The following FOXP2 variants were observed in gnomAD, a reference collection of about 807,000 sequenced individuals.
FOXP2 encodes the protein forkhead box P2.
FOXP2 carries 12 observed loss-of-function variants against 115.8 expected under a neutral mutation model. The ratio of observed to expected loss-of-function variants is 0.10; its 90% confidence interval spans 0.07 to 0.17. The LOEUF is 0.17. Ranked by LOEUF, FOXP2 falls within the 10% of genes least tolerant of loss-of-function variation. The pLI is 1.00. For synonymous variants in FOXP2, 328 were observed against 297.7 expected (o/e 1.10, Z -1.05); for missense variants, 629 against 843.5 (o/e 0.75, Z 3.15).
intron 2 of FOXP2, among the ~76,000 whole-genome samples, chr7:114,516,934 T>G (rs752679688): frequency 6.6e-6 from 1 of 152,110 alleles, no homozygotes; most frequent in Non-Finnish European, 1.5e-5. Flanking sequence ...GACCTCATGA[T>G]CCACCTGCCT....
At chr7:114,193,681 G>A (rs530821711) in intron 1 of FOXP2, among the ~76,000 whole-genome samples, 2 of 151,946 alleles carry the variant, frequency 1.3e-5, no homozygotes, top group African/African-American at 2.4e-5. Context: ...AACTATAAAT[G>A]TCCCATCAAA....
At chr7:114,448,665 G>T (rs566164939) in intron 2 of FOXP2, among the ~76,000 whole-genome samples, 11 of 152,004 alleles carry the variant, frequency 7.2e-5, no homozygotes, top group African/African-American at 2.4e-4. Flanking sequence ...TTCTAGATAA[G>T]AAATGGCCAT....
At chr7:114,252,708 G>A (rs977296493) in intron 1 of FOXP2, among the ~76,000 whole-genome samples, 40 of 152,032 alleles carry the variant, frequency 2.6e-4, no homozygotes, top group East Asian at 1.7e-3. Context: ...TCTCGCTAGC[G>A]TTCTATCAAT....
At chr7:114,319,033 A>G (rs1415300184) in intron 2 of FOXP2, among the ~76,000 whole-genome samples, 1 of 152,088 alleles carries the variant, frequency 6.6e-6, no homozygotes, top group Non-Finnish European at 1.5e-5. Context: ...CCAATACCAG[A>G]TTAGCTAGCA....
chr7:114,552,642 G>GA (rs1290830571), intron 3 of FOXP2, among the ~76,000 whole-genome samples: 2 of 152,062 alleles, frequency 1.3e-5, no homozygotes, highest in Non-Finnish European at 2.9e-5. Context: ...GATACTCGAA[G>GA]AAAAAGTGAA....
intron 3 of FOXP2, among the ~76,000 whole-genome samples, chr7:114,544,212 C>T (rs558612157): frequency 6.6e-6 from 1 of 152,164 alleles, no homozygotes; most frequent in Admixed American, 6.6e-5. Context: ...GAAGAGACCT[C>T]TCACAAATAT....
At chr7:114,351,191 C>A (rs1791480819) in intron 2 of FOXP2, among the ~76,000 whole-genome samples, 1 of 152,062 alleles carries the variant, frequency 6.6e-6, no homozygotes, top group Admixed American at 6.6e-5. Flanking sequence ...ATGTCTGTTG[C>A]AATGGGATTT....
At chr7:114,486,083 A>G (rs1001790833) in intron 2 of FOXP2, among the ~76,000 whole-genome samples, 2 of 152,308 alleles carry the variant, frequency 1.3e-5, no homozygotes, top group African/African-American at 4.8e-5. Flanking sequence ...ATACAAATGT[A>G]AACGGACCCT....
intron 5 of FOXP2, chr7:114,630,698 G>T (rs1437522833): frequency 6.5e-6 from 1 of 153,296 alleles, no homozygotes; most frequent in African/African-American, 2.4e-5. Context: ...TTTCTGTTTG[G>T]ATTTGTGAAT....
chr7:114,668,679 G>T (rs1429775395), intron 16 of FOXP2: 1 of 152,150 alleles, frequency 6.6e-6, no homozygotes, highest in Non-Finnish European at 1.5e-5. Flanking sequence ...ATGCACGTGT[G>T]TTTATGCATA....
intron 3 of FOXP2, among the ~76,000 whole-genome samples, chr7:114,576,877 A>G (rs1216770455): frequency 6.6e-6 from 1 of 151,956 alleles, no homozygotes; most frequent in Non-Finnish European, 1.5e-5. Context: ...CTTATTTAGC[A>G]TAATTGAAAG....
At chr7:114,474,195 C>T (rs959514275) in intron 2 of FOXP2, among the ~76,000 whole-genome samples, 1 of 152,070 alleles carries the variant, frequency 6.6e-6, no homozygotes, top group African/African-American at 2.4e-5. Flanking sequence ...GATATCAGAA[C>T]AACAGAATAG....
chr7:114,578,784 T>C (rs1801698729), intron 3 of FOXP2, among the ~76,000 whole-genome samples: 1 of 152,146 alleles, frequency 6.6e-6, no homozygotes, highest in African/African-American at 2.4e-5. Context: ...GACATTGTTT[T>C]ATTTATAGGT....
At chr7:114,114,255 A>G (rs1791346379) in intron 1 of FOXP2, among the ~76,000 whole-genome samples, 1 of 150,852 alleles carries the variant, frequency 6.6e-6, no homozygotes, top group African/African-American at 2.4e-5. Flanking sequence ...ATATATACAT[A>G]TATGTGTATA....
At chr7:114,503,417 A>G (rs1316305475) in intron 2 of FOXP2, among the ~76,000 whole-genome samples, 1 of 151,736 alleles carries the variant, frequency 6.6e-6, no homozygotes, top group Non-Finnish European at 1.5e-5. Context: ...AAACCACACT[A>G]ATGGCAAAGC....
chr7:114,139,406 AT>A (rs1792140897), intron 1 of FOXP2, among the ~76,000 whole-genome samples: 1 of 152,146 alleles, frequency 6.6e-6, no homozygotes, highest in Non-Finnish European at 1.5e-5. Context: ...ATAAAACATA[AT>A]AAAAAAGGTT....
At chr7:114,425,878 A>G (rs981627448) in intron 1 of FOXP2, among the ~76,000 whole-genome samples, 1 of 151,664 alleles carries the variant, frequency 6.6e-6, no homozygotes, top group Admixed American at 6.6e-5. Context: ...AAAATAGGCA[A>G]TATCTGACGT....
At chr7:114,667,005 AT>A (rs1246595333) in intron 16 of FOXP2, 6 of 152,168 alleles carry the variant, frequency 3.9e-5, no homozygotes, top group Admixed American at 3.9e-4. Flanking sequence ...TATAAACAAT[AT>A]GAAAATATTT....
chr7:114,642,813 T>TA (rs1491281422), intron 7 of FOXP2, among the ~76,000 whole-genome samples, 190 bp downstream of exon 7: 249 of 58,404 alleles, frequency 4.3e-3, no homozygotes, highest in African/African-American at 0.022. Flanking sequence ...TATATATATA[T>TA]TTTTTTTTTT....
Sources: gnomAD v4.1 joint callset for allele counts (sites outside exome capture counted in the v4.1 genomes callset) on GRCh38, gnomAD v4.1.1 for gene constraint, MANE v1.5 for transcripts, NCBI Gene and HGNC (gene_info 2026-07-23, HGNC 2026-07-21) for gene names.